C12orf50: variants seen among roughly 807,000 people sequenced by gnomAD.
C12orf50 encodes the protein uncharacterized protein C12orf50.
In C12orf50, 35 loss-of-function variants were observed where a neutral mutation model predicts 61.6. That is an observed-to-expected ratio of 0.57 (90% confidence interval 0.43 to 0.75). C12orf50 has a LOEUF of 0.75. Ranked by LOEUF, C12orf50 falls within the 30% of genes least tolerant of loss-of-function variation. The pLI is 0.00. For synonymous variants in C12orf50, 178 were observed against 161.5 expected (o/e 1.10, Z -0.77); for missense variants, 475 against 488.5 (o/e 0.97, Z 0.26).
chr12:87,986,210 T>C (rs1331318306), intron 10 of C12orf50, 102 bp downstream of exon 10: 1 of 1,223,520 alleles, frequency 8.2e-7, no homozygotes, highest in Admixed American at 2.4e-5. Context: ...AAAGTAACAT[T>C]TACGTCACAT....
In C12orf50 at chr12:87,986,430, C is replaced by T. The variant is rs1471099812; in HGVS notation, c.818-14G>A. ...GGACATCATTCACTTAGAAAAGATACAAATTTTACAATTTTTTAAGAGATG... is the reference window on the plus strand; with the variant it reads ...GGACATCATTCACTTAGAAAAGATATAAATTTTACAATTTTTTAAGAGATG... On this transcript the variant is annotated splice_polypyrimidine_tract_variant and intron_variant, in intron 9 of 12. Coordinates refer to ENST00000298699, the MANE Select transcript of C12orf50 (RefSeq NM_152589.3). 10 of 1,569,572 alleles carry T rather than the reference C, an allele frequency of 6.4e-6. No individual in the cohort carries two copies. The highest frequency in any genetic ancestry group is 8.7e-6 in the Non-Finnish European group (10 of 1,154,210).
At chr12:87,997,209 G>A (rs1270380755) in intron 4 of C12orf50, among the ~76,000 whole-genome samples, 1 of 152,094 alleles carries the variant, frequency 6.6e-6, no homozygotes, top group East Asian at 1.9e-4. Context: ...GAATAATGCA[G>A]ATGACAGTGA....
At chr12:88,019,947 A>G (rs770106834) in intron 3 of C12orf50, among the ~76,000 whole-genome samples, 1 of 152,218 alleles carries the variant, frequency 6.6e-6, no homozygotes, top group Non-Finnish European at 1.5e-5. Context: ...ACTAAACTGC[A>G]TAAGTGAAGG....
Position 88,028,559 on chromosome 12 carries a change from A to G in C12orf50, c.-109+781T>C, listed in dbSNP as rs1048033908. 3.0e-4 allele frequency among the ~76,000 whole-genome samples: 46 copies of G among 152,210 alleles called. 1 individual carries two copies. The highest frequency in any genetic ancestry group is 1.6e-3 in the Admixed American group (25 of 15,284). ...TTTGTTTATATTAATTTTCTTTTTTAATGATATTTAAATATTTGTTATTAC... is the reference window on the plus strand; with the variant it reads ...TTTGTTTATATTAATTTTCTTTTTTGATGATATTTAAATATTTGTTATTAC... On this transcript the variant is annotated intron_variant, in intron 1 of 12. Coordinates refer to ENST00000298699, the MANE Select transcript of C12orf50 (RefSeq NM_152589.3).
At chr12:87,997,909 TTA>T in intron 4 of C12orf50, 124 bp downstream of exon 4, 2 of 668,584 alleles carry the variant, frequency 3.0e-6, no homozygotes, top group Non-Finnish European at 4.8e-6. Context: ...TTTAATACAA[TTA>T]TAGTTATTTT....
chr12:87,992,648 T>G (rs1434831425), intron 7 of C12orf50, among the ~76,000 whole-genome samples: 2 of 151,824 alleles, frequency 1.3e-5, no homozygotes, highest in Non-Finnish European at 2.9e-5. Context: ...GGTCAAAAAA[T>G]GCAAAATTAG....
rs747753801 is a variant in C12orf50, at chr12:87,985,877, T to C, written c.1099A>G (p.Arg367Gly). 57 of 1,613,078 alleles carry C rather than the reference T, an allele frequency of 3.5e-5. No homozygotes were observed. The highest frequency in any genetic ancestry group is 4.6e-5 in the Non-Finnish European group (54 of 1,179,830). Residue 367 changes from arginine to glycine, a missense_variant, in exon 11 of 13, where the codon AGG becomes GGG. By Grantham distance (125) the Arg-to-Gly change is moderately radical (BLOSUM62 -2). Transcript: ENST00000298699. Reference protein sequence around the residue: ...HGSYNKVHANREPKPNLSPDK... With the variant: ...HGSYNKVHANGEPKPNLSPDK... The stretch of plus-strand genomic sequence containing the variant: ...GGACTGAGGTTGGGTTTGGGTTCCC[T>C]GTTAGCATGGACTTTATTGTAGGAC...
chr12:87,988,154 G>A (rs1190819167), intron 8 of C12orf50, among the ~76,000 whole-genome samples, 188 bp from the exon 9 acceptor site: 1 of 151,950 alleles, frequency 6.6e-6, no homozygotes, highest in African/African-American at 2.4e-5. Flanking sequence ...AATGTCATGA[G>A]TAACAAAACA....
intron 3 of C12orf50, among the ~76,000 whole-genome samples, chr12:88,009,160 A>G (rs1468494389): frequency 6.6e-6 from 1 of 152,118 alleles, no homozygotes; most frequent in Non-Finnish European, 1.5e-5. Flanking sequence ...TCTAGGATAT[A>G]TGCTTCAAAA....
Position 87,996,633 on chromosome 12 carries a change from T to C in C12orf50, c.303A>G (p.Leu101=), listed in dbSNP as rs577932011. Residue 101 remains leucine (L), a synonymous_variant, in exon 5 of 13, where the codon TTA becomes TTG. Transcript: ENST00000298699. ...CAATTTCTTCAGGGGTCTTTGTCCA[T>C]AAACTAGAAGCATCTATAGGATATA... ...EVDEQNDASS[L]WTKTPEEIEE... The C allele has an allele frequency of 1.2e-6, 2 of 1,606,242 alleles. No homozygotes were observed. Among genetic ancestry groups the C allele is most frequent in the Admixed American group, 1.7e-5 (1 of 59,960 alleles).
intron 7 of C12orf50, among the ~76,000 whole-genome samples, chr12:87,993,645 G>A (rs1375609502): frequency 6.6e-6 from 1 of 152,036 alleles, no homozygotes; most frequent in African/African-American, 2.4e-5. Flanking sequence ...TCACCAATAT[G>A]CCTAAGAGAT....
intron 9 of C12orf50, 83 bp from the exon 10 acceptor site, chr12:87,986,499 G>A: frequency 2.2e-6 from 2 of 901,124 alleles, no homozygotes; most frequent in South Asian, 3.5e-5. Context: ...ACATATCTGT[G>A]CATTCACATG....
intron 2 of C12orf50, 83 bp from the exon 3 acceptor site, chr12:88,026,691 G>C (rs1238559014): frequency 2.6e-6 from 4 of 1,514,920 alleles, no homozygotes; most frequent in Non-Finnish European, 3.6e-6. Context: ...ACAGCACAAG[G>C]ACACAAAAAC....
chr12:88,026,258 G>T (rs2032702926), intron 3 of C12orf50, among the ~76,000 whole-genome samples: 1 of 152,148 alleles, frequency 6.6e-6, no homozygotes, highest in South Asian at 2.1e-4. Flanking sequence ...ATCCATTTTA[G>T]ATACACATAG....
intron 3 of C12orf50, among the ~76,000 whole-genome samples, chr12:88,008,288 T>C (rs915204871): frequency 6.6e-6 from 1 of 152,120 alleles, no homozygotes; most frequent in South Asian, 2.1e-4. Flanking sequence ...ATCATTTAGC[T>C]CCCATTTGTA....
At chr12:88,009,566 A>C (rs2032020551) in intron 3 of C12orf50, among the ~76,000 whole-genome samples, 1 of 152,116 alleles carries the variant, frequency 6.6e-6, no homozygotes, top group Non-Finnish European at 1.5e-5. Context: ...TGTTACAACG[A>C]GGAGATTTCT....
At position 87,987,872 on chromosome 12, in the gene C12orf50, C is replaced by T; in HGVS notation, c.795G>A (p.Lys265=). 6.2e-7 allele frequency: 1 copy of T among 1,607,526 alleles called. No individual in the cohort carries two copies. The highest frequency in any genetic ancestry group is 1.1e-5 in the South Asian group (1 of 90,626). ...CACTTGAAGAGGGGTCCTCTCTGCA[C>T]TTCATACTGATATTCTCAGTAGCAT... ...VLNATENISM[K]CREDPSSMND... The change falls in exon 9 of 13, where the codon AAG becomes AAA. Residue 265 remains lysine (K), a synonymous_variant. Transcript: ENST00000298699.
chr12:87,983,381 T>G (rs999281698), intron 11 of C12orf50, 186 bp from the exon 12 acceptor site: 21 of 342,436 alleles, frequency 6.1e-5, no homozygotes, highest in Non-Finnish European at 9.0e-5. Flanking sequence ...AGTGAGCATG[T>G]TTTTTTTTGT....
chr12:88,000,086 G>A (rs909194659), intron 3 of C12orf50, among the ~76,000 whole-genome samples: 5 of 152,014 alleles, frequency 3.3e-5, no homozygotes, highest in Non-Finnish European at 7.4e-5. Flanking sequence ...GTGATCCAAT[G>A]TTTCATTGGA....
Sources: gnomAD v4.1 joint callset for allele counts (sites outside exome capture counted in the v4.1 genomes callset) on GRCh38, gnomAD v4.1.1 for gene constraint, MANE v1.5 for transcripts, NCBI Gene and HGNC (gene_info 2026-07-23, HGNC 2026-07-21) for gene names.